Variants in ABLIM1 observed in about 807,000 individuals in gnomAD.
The protein encoded by ABLIM1 is actin-binding LIM protein 1.
A neutral mutation model predicts 107.0 loss-of-function variants in ABLIM1; 40 were observed. That is an observed-to-expected ratio of 0.37 (90% CI 0.29 to 0.49). ABLIM1 has a LOEUF of 0.49. Among genes scored for constraint, ABLIM1 ranks in the 20% least tolerant of loss-of-function variants. ABLIM1 has a pLI of 0.97. For synonymous variants in ABLIM1, 357 were observed against 357.3 expected, an observed-to-expected ratio of 1.00 and a Z score of 0.01; for missense variants, 857 against 1,008.5, an observed-to-expected ratio of 0.85 and a Z score of 2.04.
chr10:114,587,426 A>G (rs987754657), intron 2 of ABLIM1, among the ~76,000 whole-genome samples: 17 of 152,212 alleles, frequency 1.1e-4, no homozygotes, highest in African/African-American at 3.9e-4. Context: ...AGAAGAGCTT[A>G]CATGATCTGA....
At chr10:114,631,897 A>G in intron 1 of ABLIM1, 2 of 1,304,162 alleles carry the variant, frequency 1.5e-6, no homozygotes, top group Non-Finnish European at 2.0e-6. Context: ...GATATTTATA[A>G]TTACCTTTTT....
chr10:114,453,405 T>C lies in ABLIM1; in HGVS notation c.1520A>G (p.Gln507Arg), dbSNP rs778774048. The change falls in exon 13 of 23, where the codon CAG (glutamine) becomes CGG (arginine). Residue 507 changes from glutamine (Q) to arginine (R), a missense_variant. Transcript: ENST00000533213. Reference protein sequence around the residue: ...DSRPLTPTYAQAPKHFHVPDQ... With the variant: ...DSRPLTPTYARAPKHFHVPDQ... ...TGGAACATGGAAATGTTTAGGGGCC[T>C]GAGCGTAAGTTGGAGTTAGAGGGCG... The C allele has an allele frequency of 1.9e-6, 3 of 1,613,862 alleles. No individual in the cohort carries two copies. Among genetic ancestry groups the C allele is most frequent in the Non-Finnish European group, 2.5e-6 (3 of 1,179,914 alleles).
chr10:114,514,874 G>A (rs527961942), intron 6 of ABLIM1, among the ~76,000 whole-genome samples: 46 of 152,274 alleles, frequency 3.0e-4, no homozygotes, highest in Admixed American at 7.2e-4. Flanking sequence ...GAGGAAAAGC[G>A]CCTGTCATTG....
intron 8 of ABLIM1, among the ~76,000 whole-genome samples, chr10:114,483,792 A>C (rs948530929): frequency 6.6e-6 from 1 of 152,270 alleles, no homozygotes; most frequent in Admixed American, 6.5e-5. Context: ...GCTGCAGTGC[A>C]ACCCTGAATT....
chr10:114,796,181 C>T, the ABLIM1 span, among the ~76,000 whole-genome samples: 1 of 152,122 alleles, frequency 6.6e-6, no homozygotes, highest in African/African-American at 2.4e-5. Context: ...ACAAATTACC[C>T]CAAGCATAGA....
rs889898056 is a variant in ABLIM1, at chr10:114,434,088, TGTGCCAAG to T, written c.*2164_*2171del. The stretch of plus-strand genomic sequence containing the variant: ...AGCAAGGATGAGGACACCCAGGCAT[TGTGCCAAG>T]GCTGCCATTGCAGGAGGGCACAGAG... On this transcript the variant is annotated 3_prime_UTR_variant, in exon 23 of 23. Coordinates refer to ENST00000533213, the MANE Select transcript of ABLIM1 (RefSeq NM_002313.7). The T allele has an allele frequency of 6.6e-6, 1 of 152,220 alleles. No homozygotes were observed. Among genetic ancestry groups the T allele is most frequent in the African/African-American group, 2.4e-5 (1 of 41,434 alleles). The allele number at this position is 152,220 out of a possible 1,614,324, so 9.4% of individuals were successfully genotyped here. A position where few individuals can be genotyped will look rare whatever the true frequency, so the allele number is the denominator to read the frequency against.
intron 1 of ABLIM1, among the ~76,000 whole-genome samples, chr10:114,668,078 C>A (rs1379979317): frequency 6.7e-6 from 1 of 149,274 alleles, no homozygotes; most frequent in African/African-American, 2.5e-5. Context: ...GATGGGCAGA[C>A]TTCAGGTTGC....
intron 1 of ABLIM1, among the ~76,000 whole-genome samples, chr10:114,621,764 C>T (rs1160923699): frequency 6.6e-6 from 1 of 152,174 alleles, no homozygotes; most frequent in South Asian, 2.1e-4. Context: ...AGGATCTTTC[C>T]AGTGTGTCGA....
intron 1 of ABLIM1, among the ~76,000 whole-genome samples, chr10:114,735,231 C>T (rs1340493550): frequency 6.6e-6 from 1 of 152,128 alleles, no homozygotes; most frequent in Non-Finnish European, 1.5e-5. Flanking sequence ...CAGGCAGATG[C>T]CTGGGCTAAT....
intron 4 of ABLIM1, among the ~76,000 whole-genome samples, chr10:114,570,596 GTTTTTTTTTT>G (rs57963013): frequency 2.2e-4 from 15 of 68,016 alleles, no homozygotes; most frequent in Non-Finnish European, 3.8e-4. Context: ...ATTTTTCTGG[GTTTTTTTTTT>G]TTTTTTTTTT....
At chr10:114,713,261 C>T (rs1026581393) in intron 1 of ABLIM1, among the ~76,000 whole-genome samples, 5 of 152,090 alleles carry the variant, frequency 3.3e-5, no homozygotes, top group Admixed American at 1.3e-4. Context: ...ACCAAGGAAG[C>T]AGAAGAGCAG....
chr10:114,622,342 C>T lies in ABLIM1; in HGVS notation c.245-20381G>A, dbSNP rs532406966. On this transcript the variant is annotated intron_variant, in intron 1 of 22. Coordinates refer to ENST00000533213, the MANE Select transcript of ABLIM1 (RefSeq NM_002313.7). ...GCTCATCGCATCCTCGACCTCCAGG[C>T]TCAGATGATCCTCCCACCACTGCAG... Among the ~76,000 whole-genome samples, 184 of 150,460 alleles carry T rather than the reference C, an allele frequency of 1.2e-3. 1 individual carries two copies. Among genetic ancestry groups the T allele is most frequent in the African/African-American group, 4.4e-3 (181 of 40,964 alleles).
intron 14 of ABLIM1, among the ~76,000 whole-genome samples, chr10:114,449,692 A>G (rs1480465460): frequency 2.6e-5 from 4 of 152,236 alleles, no homozygotes; most frequent in African/African-American, 9.6e-5. Context: ...CCCTTCTTAA[A>G]GATGGACAAA....
intron 6 of ABLIM1, among the ~76,000 whole-genome samples, chr10:114,521,733 C>T (rs900245806): frequency 7.9e-5 from 12 of 152,060 alleles, no homozygotes; most frequent in African/African-American, 2.4e-5. Flanking sequence ...TCCACTCATC[C>T]TCTTATTGGG....
intron 1 of ABLIM1, among the ~76,000 whole-genome samples, chr10:114,709,059 G>A (rs2081486586): frequency 6.6e-6 from 1 of 152,300 alleles, no homozygotes; most frequent in Admixed American, 6.5e-5. Flanking sequence ...TGGACCACAT[G>A]TATGGCTGTA....
chr10:114,500,771 G>GGGAAA lies in ABLIM1; in HGVS notation c.895-8894_895-8893insTTTCC, dbSNP rs1555109094. 9.9e-4 allele frequency among the ~76,000 whole-genome samples: 144 copies of GGGAAA among 145,456 alleles called. 4 individuals are homozygous for GGGAAA. The highest frequency in any genetic ancestry group is 3.7e-3 in the African/African-American group (138 of 37,424). On this transcript the variant is annotated intron_variant, in intron 6 of 22. Transcript: ENST00000533213. ...GGGAAGGGAAGGGAAGGGAAGGGAA[G>GGGAAA]GGAAGGGAAGGGAAGGGAAGGGAGC...
intron 1 of ABLIM1, among the ~76,000 whole-genome samples, chr10:114,740,455 G>A (rs544677529): frequency 3.3e-5 from 5 of 151,590 alleles, no homozygotes; most frequent in East Asian, 1.9e-4. Flanking sequence ...CACTTCCCTC[G>A]GAAATCTTTC....
chr10:114,560,439 T>C (rs1370684397), intron 4 of ABLIM1, among the ~76,000 whole-genome samples: 1 of 152,232 alleles, frequency 6.6e-6, no homozygotes, highest in Non-Finnish European at 1.5e-5. Context: ...TGTGACACTG[T>C]AGCCTCCGTA....
intron 1 of ABLIM1, among the ~76,000 whole-genome samples, chr10:114,720,812 G>A (rs2081826654): frequency 6.6e-6 from 1 of 151,850 alleles, no homozygotes; most frequent in Non-Finnish European, 1.5e-5. Flanking sequence ...ACCAAACACG[G>A]TCCTTATGTT....
Sources: gnomAD v4.1 joint callset for allele counts (sites outside exome capture counted in the v4.1 genomes callset) on GRCh38, gnomAD v4.1.1 for gene constraint, MANE v1.5 for transcripts, NCBI Gene and HGNC (gene_info 2026-07-23, HGNC 2026-07-21) for gene names.